The following CAST variants were observed in gnomAD, a reference collection of about 807,000 sequenced individuals.
CAST encodes calpastatin.
In CAST, 76 loss-of-function variants were observed where a neutral mutation model predicts 119.6. That is an observed-to-expected ratio of 0.64 (90% CI 0.53 to 0.77). CAST has a LOEUF of 0.77. CAST is among the 30% of genes least tolerant of loss of function. The pLI is 0.00. For missense variants in CAST, 953 were observed against 946.5 expected, an observed-to-expected ratio of 1.01 and a Z score of -0.09; for synonymous variants, 319 against 331.6, an observed-to-expected ratio of 0.96 and a Z score of 0.41.
chr5:96,401,224 A>G, the CAST span, among the ~76,000 whole-genome samples: 1 of 152,170 alleles, frequency 6.6e-6, no homozygotes, highest in Non-Finnish European at 1.5e-5. Flanking sequence ...ATTTCCATGG[A>G]ATAGAAAGAT....
the CAST span, among the ~76,000 whole-genome samples, chr5:96,491,909 T>A: frequency 6.6e-6 from 1 of 152,340 alleles, no homozygotes; most frequent in South Asian, 2.1e-4. Flanking sequence ...AGTATACGAT[T>A]CAATCACTTA....
At chr5:96,334,182 G>T in the CAST span, among the ~76,000 whole-genome samples, 2 of 152,310 alleles carry the variant, frequency 1.3e-5, no homozygotes, top group South Asian at 4.1e-4. Flanking sequence ...TCTCCCTCCA[G>T]AGTGTGGCAA....
intron 1 of CAST, among the ~76,000 whole-genome samples, chr5:96,606,680 G>A (rs1250299765): frequency 6.6e-6 from 1 of 152,206 alleles, no homozygotes; most frequent in Non-Finnish European, 1.5e-5. Context: ...TGGAAAAGCT[G>A]GATGCTCCCA....
intron 1 of CAST, among the ~76,000 whole-genome samples, chr5:96,569,695 AG>A (rs2150186786): frequency 6.6e-6 from 1 of 152,362 alleles, no homozygotes; most frequent in East Asian, 1.9e-4. Context: ...AGGGACTAAA[AG>A]TCTCAACACA....
the CAST span, among the ~76,000 whole-genome samples, chr5:96,498,829 A>G: frequency 6.6e-6 from 1 of 152,286 alleles, no homozygotes; most frequent in East Asian, 1.9e-4. Flanking sequence ...GTCCAAGGCT[A>G]CATGGCTCAC....
chr5:95,997,618 T>G, the CAST span, among the ~76,000 whole-genome samples: 2,161 of 152,254 alleles, frequency 0.014, 22 homozygotes, highest in Non-Finnish European at 0.022. Context: ...AATAGATGTG[T>G]CTACCCACTG....
At chr5:96,769,180 G>A (rs1484841312) in intron 29 of CAST, 1 of 152,156 alleles carries the variant, frequency 6.6e-6, no homozygotes, top group Non-Finnish European at 1.5e-5. Context: ...GCTGTTCTAA[G>A]GCACTGCTCT....
At chr5:96,138,213 TCTAA>T in the CAST span, among the ~76,000 whole-genome samples, 4 of 152,080 alleles carry the variant, frequency 2.6e-5, no homozygotes, top group African/African-American at 7.2e-5. Flanking sequence ...CATATGGTTA[TCTAA>T]CTGTTTCAGC....
chr5:96,010,697 A>G, the CAST span, among the ~76,000 whole-genome samples: 5 of 152,232 alleles, frequency 3.3e-5, no homozygotes, highest in Non-Finnish European at 5.9e-5. Flanking sequence ...TTTGGACAGT[A>G]TGACCATTTA....
the CAST span, among the ~76,000 whole-genome samples, chr5:96,414,019 G>C: frequency 7.0e-6 from 1 of 142,538 alleles, no homozygotes; most frequent in Non-Finnish European, 1.5e-5. Flanking sequence ...GGTTCCTGTA[G>C]TCCTAGCTAC....
At chr5:96,282,948 T>C in the CAST span, among the ~76,000 whole-genome samples, 9 of 150,774 alleles carry the variant, frequency 6.0e-5, no homozygotes, top group Non-Finnish European at 1.3e-4. Context: ...GCTAACACGG[T>C]GAAACCCTGT....
the CAST span, among the ~76,000 whole-genome samples, chr5:96,475,290 T>C: frequency 6.6e-6 from 1 of 152,240 alleles, no homozygotes; most frequent in African/African-American, 2.4e-5. Context: ...GGTAGCATCT[T>C]CATCGAAAAT....
chr5:96,413,800 CAA>C, the CAST span, among the ~76,000 whole-genome samples: 29,938 of 105,526 alleles, frequency 0.28, 4,119 homozygotes, highest in African/African-American at 0.32. Flanking sequence ...GACTCTGTCT[CAA>C]AAAAAAAAAA....
At chr5:96,428,024 C>G in the CAST span, among the ~76,000 whole-genome samples, 3,741 of 151,836 alleles carry the variant, frequency 0.025, 150 homozygotes, top group African/African-American at 0.086. Flanking sequence ...ATGAGCTATA[C>G]GGTCACTGTC....
the CAST span, among the ~76,000 whole-genome samples, chr5:96,439,722 A>T: frequency 0.011 from 1,682 of 152,280 alleles, 25 homozygotes; most frequent in African/African-American, 0.039. Flanking sequence ...AGCAGGTGCC[A>T]CTGAGGGATA....
At chr5:96,703,984 G>T (rs1030154842) in intron 3 of CAST, among the ~76,000 whole-genome samples, 2 of 152,174 alleles carry the variant, frequency 1.3e-5, no homozygotes, top group African/African-American at 4.8e-5. Flanking sequence ...GCTGGGGAGG[G>T]TGTGCTGCTT....
At chr5:96,021,846 ATTAAC>A in the CAST span, among the ~76,000 whole-genome samples, 7 of 152,216 alleles carry the variant, frequency 4.6e-5, no homozygotes, top group Admixed American at 6.5e-5. Flanking sequence ...CTCATTTTAA[ATTAAC>A]TTAAGTGATC....
intron 4 of CAST, among the ~76,000 whole-genome samples, chr5:96,726,043 G>A (rs1348067146): frequency 6.6e-6 from 1 of 152,044 alleles, no homozygotes; most frequent in South Asian, 2.1e-4. Flanking sequence ...ATTGACTTTA[G>A]CCTCTTCAAA....
At chr5:96,523,299 T>C (rs1261787245), upstream of CAST, among the ~76,000 whole-genome samples, 1 of 152,262 alleles carries the variant, frequency 6.6e-6, no homozygotes. Context: ...AGGGATGCCA[T>C]GCAGGACCCC....
Sources: allele counts gnomAD v4.1 joint callset (sites outside exome capture counted in the v4.1 genomes callset), GRCh38; gene constraint gnomAD v4.1.1; transcripts MANE v1.5; gene names NCBI Gene and HGNC (gene_info 2026-07-23, HGNC 2026-07-21).